Variants in RBFOX1 observed in about 807,000 individuals in gnomAD.
RBFOX1 encodes the protein RNA binding fox-1 homolog 1.
Under a neutral mutation model 57.7 loss-of-function variants are expected in RBFOX1, and 8 were observed. The observed-to-expected ratio is 0.14, with a 90% confidence interval of 0.08 to 0.25. RBFOX1 has a LOEUF of 0.25. Ranked by LOEUF, RBFOX1 falls within the 10% of genes least tolerant of loss-of-function variation. The pLI, the probability that RBFOX1 is intolerant of heterozygous loss-of-function variation, is 1.00. For synonymous variants in RBFOX1, 326 were observed against 222.4 expected, an observed-to-expected ratio of 1.47 and a Z score of -4.15; for missense variants, 611 against 548.5, an observed-to-expected ratio of 1.11 and a Z score of -1.14.
At chr16:6,993,873 C>T (rs778769938) in intron 3 of RBFOX1, among the ~76,000 whole-genome samples, 1 of 152,170 alleles carries the variant, frequency 6.6e-6, no homozygotes. Context: ...CTTCCCCGAA[C>T]GTCTCTCAGG....
intron 1 of RBFOX1, among the ~76,000 whole-genome samples, chr16:6,154,713 A>G (rs2096826676): frequency 1.3e-5 from 2 of 152,216 alleles, no homozygotes; most frequent in South Asian, 4.1e-4. Flanking sequence ...TGAGCAAAGA[A>G]AATATTAGTT....
chr16:5,780,332 C>T (rs985205213), intron 3 of RBFOX1, among the ~76,000 whole-genome samples: 1 of 152,146 alleles, frequency 6.6e-6, no homozygotes, highest in Non-Finnish European at 1.5e-5. Context: ...TCTTACCTTT[C>T]TATAATCTTT....
chr16:7,541,415 T>C (rs17144042), intron 5 of RBFOX1, among the ~76,000 whole-genome samples: 12,850 of 152,172 alleles, frequency 0.084, 883 homozygotes, highest in East Asian at 0.36. Context: ...CTTTCTGCTA[T>C]GACATCTTCT....
intron 1 of RBFOX1, among the ~76,000 whole-genome samples, chr16:6,202,848 C>G (rs781330470): frequency 6.6e-6 from 1 of 152,088 alleles, no homozygotes; most frequent in African/African-American, 2.4e-5. Context: ...AGTGCAGTGG[C>G]ACAATCAGAG....
chr16:7,659,127 G>A (rs550617947), intron 12 of RBFOX1, among the ~76,000 whole-genome samples: 1 of 152,298 alleles, frequency 6.6e-6, no homozygotes, highest in South Asian at 2.1e-4. Context: ...CCCTTTCTCA[G>A]GTAATTGTCA....
intron 4 of RBFOX1, among the ~76,000 whole-genome samples, chr16:5,888,180 C>G (rs2057947096): frequency 6.6e-6 from 1 of 152,138 alleles, no homozygotes; most frequent in Admixed American, 6.6e-5. Context: ...TCCTCCTGCC[C>G]CAGCGCCTTT....
chr16:6,245,328 G>A lies in RBFOX1; in HGVS notation c.-126-71667G>A, dbSNP rs562954009. On this transcript the variant is annotated intron_variant, in intron 1 of 15. Transcript: ENST00000550418. ...TGGCCCTGAATACCTTGCCAAATAC[G>A]TTTTCCTTGAGGATATTGATAATGG... Among the ~76,000 whole-genome samples, 30 of 152,122 alleles carry A rather than the reference G, an allele frequency of 2.0e-4. No individual in the cohort carries two copies. In the South Asian group the frequency reaches 4.6e-3, roughly 23 times the overall value.
intron 2 of RBFOX1, among the ~76,000 whole-genome samples, chr16:6,520,960 G>C (rs1230852322): frequency 6.6e-6 from 1 of 151,754 alleles, no homozygotes; most frequent in Admixed American, 6.6e-5. Context: ...AAAAATAATT[G>C]CTTCGCCACT....
intron 4 of RBFOX1, among the ~76,000 whole-genome samples, chr16:7,303,170 G>T (rs998946132): frequency 2.0e-5 from 3 of 152,198 alleles, no homozygotes; most frequent in African/African-American, 7.2e-5. Context: ...AACAGCTCAG[G>T]GGCTGGTTCG....
chr16:7,312,416 C>T (rs1603618508), intron 4 of RBFOX1, among the ~76,000 whole-genome samples: 1 of 152,284 alleles, frequency 6.6e-6, no homozygotes, highest in African/African-American at 2.4e-5. Context: ...CAAAGGAAGG[C>T]AATATGTTAA....
intron 4 of RBFOX1, among the ~76,000 whole-genome samples, chr16:7,434,505 A>C (rs576364825): frequency 3.2e-4 from 48 of 151,690 alleles, no homozygotes; most frequent in African/African-American, 1.1e-3. Flanking sequence ...AATAAAAATA[A>C]AAAAAATCAT....
intron 2 of RBFOX1, among the ~76,000 whole-genome samples, chr16:6,458,365 C>T (rs747712565): frequency 2.0e-5 from 3 of 152,198 alleles, no homozygotes; most frequent in Non-Finnish European, 4.4e-5. Context: ...CTTAATGCCT[C>T]TAAGGCTTCA....
intron 3 of RBFOX1, among the ~76,000 whole-genome samples, chr16:6,930,429 A>T (rs2076314305): frequency 1.3e-5 from 2 of 152,126 alleles, no homozygotes; most frequent in Admixed American, 6.5e-5. Flanking sequence ...GTTATTGTTG[A>T]GAAACAGTCT....
intron 3 of RBFOX1, among the ~76,000 whole-genome samples, chr16:6,981,113 CTTT>C (rs1253873026): frequency 6.8e-6 from 1 of 147,932 alleles, no homozygotes; most frequent in Admixed American, 6.7e-5. Flanking sequence ...TAAGTAAACT[CTTT>C]TTTTATTTTT....
upstream of RBFOX1, chr16:5,239,761 G>T: frequency 6.4e-6 from 1 of 156,878 alleles, no homozygotes; most frequent in Non-Finnish European, 1.3e-5. Context: ...GCCCGCGCCG[G>T]CCCCGATGCC....
intron 2 of RBFOX1, among the ~76,000 whole-genome samples, chr16:6,614,139 T>C (rs1287210663): frequency 6.6e-6 from 1 of 152,208 alleles, no homozygotes; most frequent in East Asian, 1.9e-4. Flanking sequence ...ATATTGAATT[T>C]CCCATGTAAG....
intron 4 of RBFOX1, among the ~76,000 whole-genome samples, chr16:7,476,300 C>G (rs79334514): frequency 0.024 from 3,662 of 152,282 alleles, 143 homozygotes; most frequent in African/African-American, 0.082. Context: ...TGAATTCTTA[C>G]CCTCACAATT....
intron 3 of RBFOX1, among the ~76,000 whole-genome samples, chr16:6,822,601 A>G (rs1203351183): frequency 6.6e-6 from 1 of 152,176 alleles, no homozygotes; most frequent in African/African-American, 2.4e-5. Flanking sequence ...TTCCCATCAC[A>G]ATCTAAGTTA....
At chr16:6,861,823 GTT>G (rs35138717) in intron 3 of RBFOX1, among the ~76,000 whole-genome samples, 7 of 92,452 alleles carry the variant, frequency 7.6e-5, no homozygotes, top group South Asian at 4.5e-4. Context: ...GCGTCCCTTG[GTT>G]TTTTTTTTTT....
Sources: gnomAD v4.1 joint callset for allele counts (sites outside exome capture counted in the v4.1 genomes callset) on GRCh38, gnomAD v4.1.1 for gene constraint, MANE v1.5 for transcripts, NCBI Gene and HGNC (gene_info 2026-07-23, HGNC 2026-07-21) for gene names.